The following ZFR variants were observed in gnomAD, a reference collection of about 807,000 sequenced individuals.
ZFR encodes the protein zinc finger RNA-binding protein.
ZFR carries 19 observed loss-of-function variants against 130.7 expected under a neutral mutation model. The observed-to-expected ratio is 0.15, with a 90% CI of 0.10 to 0.21. ZFR has a LOEUF of 0.21. Ranked by LOEUF, ZFR falls within the 10% of genes least tolerant of loss-of-function variation. The probability of loss-of-function intolerance (pLI) is 1.00; values close to 1 mark genes in which losing one functional copy is unlikely to be tolerated. For synonymous variants in ZFR, 466 were observed against 456.9 expected, an observed-to-expected ratio of 1.02 and a Z score of -0.25; for missense variants, 872 against 1,321.5, an observed-to-expected ratio of 0.66 and a Z score of 5.27.
chr5:32,434,600 A>G (rs1318486278), intron 2 of ZFR, among the ~76,000 whole-genome samples: 1 of 152,246 alleles, frequency 6.6e-6, no homozygotes, highest in African/African-American at 2.4e-5. Context: ...TGATTCCAAC[A>G]TTCTTCCATT....
intron 19 of ZFR, among the ~76,000 whole-genome samples, chr5:32,361,033 T>G (rs1396317747): frequency 1.3e-5 from 2 of 152,246 alleles, no homozygotes; most frequent in African/African-American, 4.8e-5. Flanking sequence ...CAGGTCGTTC[T>G]TGAACTCATG....
intron 4 of ZFR, among the ~76,000 whole-genome samples, chr5:32,415,528 G>GCGCA (rs1554073639): frequency 3.3e-5 from 5 of 151,420 alleles, no homozygotes; most frequent in African/African-American, 7.3e-5. Flanking sequence ...GCGCGCGCGC[G>GCGCA]CGCGCACTAG....
intron 9 of ZFR, among the ~76,000 whole-genome samples, chr5:32,398,254 C>T (rs1753363570): frequency 1.3e-5 from 2 of 152,180 alleles, no homozygotes; most frequent in South Asian, 4.1e-4. Flanking sequence ...ATAATTGCTG[C>T]TGGCCAAGTA....
intron 17 of ZFR, among the ~76,000 whole-genome samples, chr5:32,365,709 T>A (rs576892231): frequency 2.7e-5 from 4 of 150,610 alleles, no homozygotes; most frequent in African/African-American, 9.7e-5. Flanking sequence ...GAGCTTGAGG[T>A]TGCAGTGAGC....
rs1445062042 is a variant in ZFR, at chr5:32,418,252, T to C, written c.421-460A>G. On this transcript the variant is annotated intron_variant, in intron 3 of 19. Coordinates refer to ENST00000265069, the MANE Select transcript of ZFR (RefSeq NM_016107.5). Reference sequence around the variant, plus strand: ...TCCAGCCTGGGCGACAGAGAGAGATTCTGCCTCAAAAAAAAAAAAGAAAAA... The same window carrying C: ...TCCAGCCTGGGCGACAGAGAGAGATCCTGCCTCAAAAAAAAAAAAGAAAAA... Among the ~76,000 whole-genome samples the C allele has an allele frequency of 1.1e-4, 10 of 94,474 alleles. No homozygotes were observed. In the South Asian group the frequency reaches 3.8e-3, roughly 36 times the overall value. 62.0% of individuals were successfully genotyped at this position (94,474 alleles called of 152,430 possible).
chr5:32,440,603 T>C (rs1467114053), intron 2 of ZFR, among the ~76,000 whole-genome samples: 6 of 150,568 alleles, frequency 4.0e-5, no homozygotes, highest in Admixed American at 6.6e-5. Flanking sequence ...GCCAAGATCG[T>C]GCCATTGCAC....
intron 4 of ZFR, among the ~76,000 whole-genome samples, chr5:32,415,515 T>TGTGTGTGTGTGTGTGCGC (rs1326041688): frequency 3.1e-5 from 3 of 97,936 alleles, no homozygotes; most frequent in African/African-American, 1.0e-4. Flanking sequence ...TGTGTGTGTG[T>TGTGTGTGTGTGTGTGCGC]GCGCGCGCGC....
In ZFR at chr5:32,403,120, T is replaced by C. The variant is rs1353709197; in HGVS notation, c.1502A>G (p.Lys501Arg). The C allele has an allele frequency of 2.5e-6, 4 of 1,613,730 alleles. No individual in the cohort carries two copies. The highest frequency in any genetic ancestry group is 1.1e-5 in the South Asian group (1 of 91,052). ...TCAGTACTTGCCAACAAAATTTATT[T>C]TGGGGGTAGATGTTTTCTTGGCAGC... is the stretch of plus-strand genomic sequence containing the variant. The part of the protein sequence containing the change: ...NMAAKKTSTP[K>R]INFVGGNKLQ... Residue 501 changes from lysine (K) to arginine (R), a missense_variant, in exon 8 of 20, where the codon AAA (lysine) becomes AGA (arginine). Physicochemically the swap from Lys to Arg is conservative, Grantham distance 26. Around this residue, in one of 7 missense-constraint regions of ZFR, gnomAD observed 143 missense variants for 137.9 expected, o/e 1.04. Coordinates refer to ENST00000265069, the MANE Select transcript of ZFR (RefSeq NM_016107.5).
intron 2 of ZFR, among the ~76,000 whole-genome samples, chr5:32,420,896 C>T (rs1476226662): frequency 1.3e-5 from 2 of 152,182 alleles, no homozygotes; most frequent in African/African-American, 4.8e-5. Context: ...TTCCAGCTTA[C>T]AGGGAGCATT....
intron 9 of ZFR, among the ~76,000 whole-genome samples, chr5:32,398,800 CAGCGTCCCGAGT>C (rs896800051): frequency 4.6e-5 from 7 of 152,042 alleles, no homozygotes; most frequent in African/African-American, 1.7e-4. Context: ...GATTGTGCCT[CAGCGTCCCGAGT>C]AGCTGGGATT....
intron 6 of ZFR, among the ~76,000 whole-genome samples, chr5:32,405,998 G>A (rs868487286): frequency 6.6e-6 from 1 of 152,122 alleles, no homozygotes; most frequent in African/African-American, 2.4e-5. Flanking sequence ...GAAGCTAGTA[G>A]AGAGTCAAAA....
At chr5:32,378,819 C>T (rs1259208531) in intron 17 of ZFR, among the ~76,000 whole-genome samples, 1 of 150,796 alleles carries the variant, frequency 6.6e-6, no homozygotes, top group Admixed American at 6.6e-5. Flanking sequence ...CTTCTTTATA[C>T]ATTTGTATAT....
intron 12 of ZFR, 76 bp from the exon 13 acceptor site, chr5:32,388,750 T>A: frequency 8.0e-7 from 1 of 1,249,174 alleles, no homozygotes; most frequent in Non-Finnish European, 1.1e-6. Flanking sequence ...CAACTATACA[T>A]ATTTGTTGTA....
rs61102954 is a variant in ZFR, at chr5:32,402,613, GA to G, written c.1516+492del. ...GAAACCCCATCTCTACCAAAAAAAA[GA>G]AAAAAAAAAAAAAACTGGCTGTGTG... On this transcript the variant is annotated intron_variant, in intron 8 of 19. Coordinates refer to ENST00000265069, the MANE Select transcript of ZFR (RefSeq NM_016107.5). Among the ~76,000 whole-genome samples the G allele has an allele frequency of 3.5e-3, 422 of 122,000 alleles. 3 individuals are homozygous for G. Among genetic ancestry groups the G allele is most frequent in the South Asian group, 7.5e-3 (27 of 3,578 alleles). The allele number at this position is 122,000 out of a possible 152,430, so 80.0% of individuals were successfully genotyped here.
In ZFR at chr5:32,364,274, G is replaced by A. The variant is rs1752492969; in HGVS notation, c.2837C>T (p.Ala946Val). ...VPTWSDFPSW[A>V]MELLVEKAIS... Reference sequence around the variant, plus strand: ...TGCTTTCTCTACTAGTAACTCCATAGCCTAAAAATACAACATAAAAATGTG... The same window carrying A: ...TGCTTTCTCTACTAGTAACTCCATAACCTAAAAATACAACATAAAAATGTG... Residue 946 changes from alanine (A) to valine (V), a missense_variant and splice_region_variant, in exon 18 of 20, where the codon GCT (alanine) becomes GTT (valine). Physicochemically the swap from Ala to Val is moderately conservative, Grantham distance 64. Transcript: ENST00000265069. 1 of 1,583,456 alleles carries A rather than the reference G, an allele frequency of 6.3e-7. No individual in the cohort carries two copies. The highest frequency in any genetic ancestry group is 8.6e-7 in the Non-Finnish European group (1 of 1,159,038).
intron 2 of ZFR, among the ~76,000 whole-genome samples, chr5:32,433,535 C>T (rs1291753879): frequency 2.6e-5 from 4 of 152,166 alleles, no homozygotes; most frequent in Non-Finnish European, 4.4e-5. Flanking sequence ...CCTGCACTTG[C>T]AGGGTCAAAA....
chr5:32,434,553 T>G (rs1215148080), intron 2 of ZFR, among the ~76,000 whole-genome samples: 1 of 152,234 alleles, frequency 6.6e-6, no homozygotes, highest in Non-Finnish European at 1.5e-5. Context: ...CAATGCAATA[T>G]CATCTAGTTA....
chr5:32,365,689 T>C lies in ZFR; in HGVS notation c.2836-1414A>G, dbSNP rs559929316. On this transcript the variant is annotated intron_variant, in intron 17 of 19. Coordinates refer to ENST00000265069, the MANE Select transcript of ZFR (RefSeq NM_016107.5). The stretch of plus-strand genomic sequence containing the variant: ...TCCTCCCACCTCAGCTCAGGATCAC[T>C]TGAGCCCAAGAGCTTGAGGTTGCAG... Among the ~76,000 whole-genome samples the C allele has an allele frequency of 3.9e-3, 581 of 150,340 alleles. 3 individuals carry two copies. The highest frequency in any genetic ancestry group is 7.4e-3 in the Admixed American group (112 of 15,212).
At chr5:32,436,140 CTTTTTTTTTTTTT>C (rs370998112) in intron 2 of ZFR, among the ~76,000 whole-genome samples, 25 of 91,800 alleles carry the variant, frequency 2.7e-4, no homozygotes, top group Non-Finnish European at 4.7e-4. Context: ...CAGTTGTATT[CTTTTTTTTTTTTT>C]TTTTTTTTTT....
Sources: gnomAD v4.1 joint callset for allele counts (sites outside exome capture counted in the v4.1 genomes callset) on GRCh38, gnomAD v4.1.1 for gene constraint, gnomAD v4.1.1 regional missense constraint, MANE v1.5 for transcripts, NCBI Gene and HGNC (gene_info 2026-07-23, HGNC 2026-07-21) for gene names.